Variants in RGS7 observed in about 807,000 individuals in gnomAD.
The protein encoded by RGS7 is regulator of G-protein signaling 7.
Under a neutral mutation model 81.1 loss-of-function variants are expected in RGS7, and 27 were observed. The observed-to-expected ratio is 0.33, with a 90% CI of 0.25 to 0.46. The LOEUF (loss-of-function observed/expected upper bound fraction) is 0.46, where lower values mean the gene tolerates loss of function less well. Among genes scored for constraint, RGS7 ranks in the 20% least tolerant of loss-of-function variants. The pLI, the probability that RGS7 is intolerant of heterozygous loss-of-function variation, is 1.00. For synonymous variants in RGS7, 208 were observed against 207.7 expected, an observed-to-expected ratio of 1.00 and a Z score of -0.01; for missense variants, 396 against 607.4, an observed-to-expected ratio of 0.65 and a Z score of 3.66.
In RGS7 at chr1:241,125,096, T is replaced by C. The variant is rs866719186; in HGVS notation, c.79-26334A>G. On this transcript the variant is annotated intron_variant, in intron 2 of 18. Coordinates refer to ENST00000440928, the MANE Select transcript of RGS7 (RefSeq NM_001364886.1). ...GGGGACTCTGTGTCCTCATGGTATA[T>C]GTAGGATTGCTTTGACCCTCCCATT... 4.3e-4 allele frequency among the ~76,000 whole-genome samples: 66 copies of C among 152,268 alleles called. 1 individual carries two copies. Among genetic ancestry groups the C allele is most frequent in the Middle Eastern group, 3.4e-3 (1 of 294 alleles).
At chr1:241,001,229 A>G (rs1023436633) in intron 3 of RGS7, among the ~76,000 whole-genome samples, 4 of 152,238 alleles carry the variant, frequency 2.6e-5, no homozygotes, top group Non-Finnish European at 4.4e-5. Flanking sequence ...ATATAGCTAT[A>G]CAACAACAAT....
chr1:241,327,122 GAAAGAAAGAAA>G (rs1558321518), intron 2 of RGS7, among the ~76,000 whole-genome samples: 2 of 110,170 alleles, frequency 1.8e-5, no homozygotes. Flanking sequence ...AAGAAAGAAA[GAAAGAAAGAAA>G]GAAAGAAAGA....
intron 2 of RGS7, among the ~76,000 whole-genome samples, chr1:241,148,499 T>G (rs1438422217): frequency 6.6e-6 from 1 of 152,204 alleles, no homozygotes; most frequent in Non-Finnish European, 1.5e-5. Context: ...AATACCTTAT[T>G]CCCAGACCTC....
chr1:241,349,623 G>A (rs1279779436), intron 2 of RGS7, among the ~76,000 whole-genome samples: 2 of 152,192 alleles, frequency 1.3e-5, no homozygotes, highest in Non-Finnish European at 2.9e-5. Context: ...ATGGCAGAAA[G>A]AAGTGGGCCT....
At chr1:240,948,343 G>A (rs1221063907) in intron 4 of RGS7, among the ~76,000 whole-genome samples, 2 of 152,140 alleles carry the variant, frequency 1.3e-5, no homozygotes, top group Non-Finnish European at 2.9e-5. Flanking sequence ...AAATATGAGA[G>A]CGGAAATGGA....
intron 2 of RGS7, among the ~76,000 whole-genome samples, chr1:241,114,623 G>T (rs1243567314): frequency 6.6e-6 from 1 of 152,182 alleles, no homozygotes; most frequent in Non-Finnish European, 1.5e-5. Context: ...ACTAATAGAT[G>T]TTGAGGTCGA....
chr1:240,965,492 C>T (rs753453357), intron 4 of RGS7, among the ~76,000 whole-genome samples: 1 of 152,144 alleles, frequency 6.6e-6, no homozygotes, highest in Non-Finnish European at 1.5e-5. Flanking sequence ...AAGACATGTC[C>T]CCAGTATTTC....
chr1:241,237,322 C>T (rs2076034164), intron 2 of RGS7, among the ~76,000 whole-genome samples: 1 of 152,190 alleles, frequency 6.6e-6, no homozygotes. Context: ...CACATCCACC[C>T]TTGCTCAGAT....
intron 18 of RGS7, among the ~76,000 whole-genome samples, chr1:240,793,569 A>C (rs1686382724): frequency 7.0e-6 from 1 of 142,434 alleles, no homozygotes; most frequent in South Asian, 2.2e-4. Flanking sequence ...AATTATTTTC[A>C]CTGAAGGTGT....
intron 5 of RGS7, among the ~76,000 whole-genome samples, chr1:240,932,945 G>C (rs1490889844): frequency 1.5e-5 from 2 of 131,152 alleles, no homozygotes; most frequent in Non-Finnish European, 1.6e-5. Flanking sequence ...CTGCAGTGGC[G>C]CGATCTCGGC....
chr1:241,294,752 A>G (rs998464398), intron 2 of RGS7, among the ~76,000 whole-genome samples: 3 of 152,200 alleles, frequency 2.0e-5, no homozygotes, highest in Non-Finnish European at 4.4e-5. Context: ...TTGGATACAC[A>G]AATACTTACC....
chr1:241,124,408 AAAAG>A (rs1301910084), intron 2 of RGS7, among the ~76,000 whole-genome samples: 1 of 152,174 alleles, frequency 6.6e-6, no homozygotes, highest in African/African-American at 2.4e-5. Context: ...AAAAAAATAA[AAAAG>A]AAAGAAAACA....
chr1:241,347,590 G>A (rs182021009), intron 2 of RGS7, among the ~76,000 whole-genome samples: 30 of 152,326 alleles, frequency 2.0e-4, no homozygotes, highest in Admixed American at 4.6e-4. Flanking sequence ...TGGAGTGGCT[G>A]TGATACATCT....
At chr1:241,029,594 A>G (rs1179946019) in intron 3 of RGS7, among the ~76,000 whole-genome samples, 1 of 152,268 alleles carries the variant, frequency 6.6e-6, no homozygotes, top group East Asian at 1.9e-4. Context: ...ACATCTGAAC[A>G]AGAATAAATG....
At chr1:241,191,122 C>T (rs2072618253) in intron 2 of RGS7, among the ~76,000 whole-genome samples, 1 of 152,000 alleles carries the variant, frequency 6.6e-6, no homozygotes, top group South Asian at 2.1e-4. Flanking sequence ...GCTGGGACTA[C>T]AGGTGCACGC....
intron 2 of RGS7, among the ~76,000 whole-genome samples, chr1:241,289,805 G>A (rs1017589715): frequency 2.6e-5 from 4 of 152,066 alleles, no homozygotes; most frequent in Non-Finnish European, 4.4e-5. Flanking sequence ...GAAGTGGTAC[G>A]AGGGAAGATG....
At position 241,082,954 on chromosome 1, in the gene RGS7, G is replaced by A. The variant is rs146762701; in HGVS notation, c.175+15712C>T. Among the ~76,000 whole-genome samples the A allele has an allele frequency of 2.1e-3, 325 of 152,310 alleles. 1 individual carries two copies. Among genetic ancestry groups the A allele is most frequent in the African/African-American group, 7.2e-3 (301 of 41,584 alleles). ...AAAGAATTATATTAGGCTGGGTGCA[G>A]TGGCTCATGCCTGTAATCCCAGCAC... On this transcript the variant is annotated intron_variant, in intron 3 of 18. Transcript: ENST00000440928.
intron 2 of RGS7, among the ~76,000 whole-genome samples, chr1:241,247,063 A>G (rs1291825692): frequency 6.6e-6 from 1 of 152,082 alleles, no homozygotes; most frequent in Non-Finnish European, 1.5e-5. Context: ...ACCATTGTAC[A>G]TATGTTCTTT....
intron 6 of RGS7, among the ~76,000 whole-genome samples, chr1:240,900,457 T>C (rs1004107128): frequency 6.6e-6 from 1 of 152,202 alleles, no homozygotes; most frequent in African/African-American, 2.4e-5. Flanking sequence ...GATGGTGACG[T>C]ACAGATGGGG....
Sources: gnomAD v4.1 joint callset for allele counts (sites outside exome capture counted in the v4.1 genomes callset) on GRCh38, gnomAD v4.1.1 for gene constraint, MANE v1.5 for transcripts, NCBI Gene and HGNC (gene_info 2026-07-23, HGNC 2026-07-21) for gene names.